KHDRBS2: variants seen among roughly 807,000 people sequenced by gnomAD.
The protein encoded by KHDRBS2 is KH domain-containing, RNA-binding, signal transduction-associated protein 2.
Under a neutral mutation model 44.3 loss-of-function variants are expected in KHDRBS2, and 26 were observed. The ratio of observed to expected loss-of-function variants is 0.59; its 90% confidence interval spans 0.43 to 0.81. KHDRBS2 has a LOEUF of 0.81. KHDRBS2 is among the 40% of genes least tolerant of loss of function. KHDRBS2 has a pLI of 0.00. For missense variants in KHDRBS2, 476 were observed against 433.1 expected (o/e 1.10, Z -0.88); for synonymous variants, 194 against 151.1 (o/e 1.28, Z -2.08).
At chr6:61,692,707 C>T (rs1400980278) in intron 8 of KHDRBS2, among the ~76,000 whole-genome samples, 1 of 152,094 alleles carries the variant, frequency 6.6e-6, no homozygotes, top group African/African-American at 2.4e-5. Flanking sequence ...TATTTCAAAT[C>T]ATTTCTAGAG....
intron 2 of KHDRBS2, among the ~76,000 whole-genome samples, chr6:62,051,266 A>T (rs1788964928): frequency 6.6e-6 from 1 of 152,118 alleles, no homozygotes; most frequent in African/African-American, 2.4e-5. Context: ...ATTTTAATTG[A>T]GAATGTGAAA....
chr6:62,047,967 G>C lies in KHDRBS2; in HGVS notation c.247C>G (p.Pro83Ala). ...AGCCTCTTCAAGGAGTTTCCTCTTG[G>C]TCCAAGCAATTTCCCCACAAAATTG... is the stretch of plus-strand genomic sequence containing the variant. ...KFNFVGKLLGPRGNSLKRLQE... is the reference protein window; with the variant it reads ...KFNFVGKLLGARGNSLKRLQE... The change falls in exon 3 of 9, where the codon CCA becomes GCA. Residue 83 changes from proline to alanine, a missense_variant. Coordinates refer to ENST00000281156, the MANE Select transcript of KHDRBS2 (RefSeq NM_152688.4). 6.2e-7 allele frequency: 1 copy of C among 1,609,200 alleles called. No homozygotes were observed. Among genetic ancestry groups the C allele is most frequent in the Non-Finnish European group, 8.5e-7 (1 of 1,176,104 alleles).
At chr6:61,796,060 T>C (rs1166313118) in intron 6 of KHDRBS2, among the ~76,000 whole-genome samples, 1 of 152,084 alleles carries the variant, frequency 6.6e-6, no homozygotes, top group Admixed American at 6.6e-5. Flanking sequence ...TTGTGTTTCC[T>C]CATTTGTAAA....
At chr6:61,766,847 T>C (rs907889080) in intron 6 of KHDRBS2, among the ~76,000 whole-genome samples, 2 of 152,120 alleles carry the variant, frequency 1.3e-5, no homozygotes, top group African/African-American at 2.4e-5. Context: ...TTAATTTTAT[T>C]TGAAATTTTT....
intron 4 of KHDRBS2, among the ~76,000 whole-genome samples, chr6:61,909,894 G>T (rs1246652540): frequency 6.6e-6 from 1 of 152,192 alleles, no homozygotes; most frequent in Non-Finnish European, 1.5e-5. Flanking sequence ...GGATACAATG[G>T]ACGCTGGTGC....
intron 1 of KHDRBS2, among the ~76,000 whole-genome samples, chr6:62,256,454 TCTCA>T (rs923738809): frequency 1.3e-5 from 2 of 151,934 alleles, no homozygotes; most frequent in Non-Finnish European, 2.9e-5. Flanking sequence ...AGTGAATAAG[TCTCA>T]CTATCTGATG....
chr6:61,622,295 C>T, the KHDRBS2 span, among the ~76,000 whole-genome samples: 4 of 152,160 alleles, frequency 2.6e-5, no homozygotes, highest in Admixed American at 2.6e-4. Context: ...AGGCAACAGA[C>T]ACCCCTTCAG....
intron 2 of KHDRBS2, among the ~76,000 whole-genome samples, chr6:62,173,738 C>G (rs1345608363): frequency 6.6e-6 from 1 of 152,008 alleles, no homozygotes; most frequent in East Asian, 1.9e-4. Context: ...TAGGCTTTAT[C>G]CCTGAGAAGC....
chr6:61,907,144 C>T (rs2127348049), intron 4 of KHDRBS2, among the ~76,000 whole-genome samples: 1 of 152,224 alleles, frequency 6.6e-6, no homozygotes, highest in South Asian at 2.1e-4. Flanking sequence ...TTGCATTTCT[C>T]CGATGATTAA....
intron 1 of KHDRBS2, among the ~76,000 whole-genome samples, chr6:62,269,558 G>A (rs1563164011): frequency 2.0e-5 from 3 of 151,984 alleles, no homozygotes; most frequent in Non-Finnish European, 2.9e-5. Context: ...CCACTGAAGT[G>A]GCTGTTGTTA....
chr6:61,785,012 G>A (rs368536478), intron 6 of KHDRBS2, among the ~76,000 whole-genome samples: 4 of 151,978 alleles, frequency 2.6e-5, no homozygotes, highest in East Asian at 1.9e-4. Context: ...TGCAGGGCAT[G>A]GTGGCGCATG....
At chr6:61,686,936 A>G (rs1766880167) in intron 8 of KHDRBS2, among the ~76,000 whole-genome samples, 1 of 151,578 alleles carries the variant, frequency 6.6e-6, no homozygotes, top group African/African-American at 2.4e-5. Flanking sequence ...TAATTTTGTT[A>G]GCAAGAATGT....
chr6:61,975,648 A>G lies in KHDRBS2; in HGVS notation c.483+2418T>C, dbSNP rs894136251. On this transcript the variant is annotated intron_variant, in intron 4 of 8. Coordinates refer to ENST00000281156, the MANE Select transcript of KHDRBS2 (RefSeq NM_152688.4). ...TCTAGCACAGAAATCAAAGATAAGC[A>G]AGATGCACACACACACACACACACA... is the stretch of plus-strand genomic sequence containing the variant. 1.7e-4 allele frequency among the ~76,000 whole-genome samples: 14 copies of G among 84,158 alleles called. No homozygotes were observed. The Admixed American group carries it at 1.9e-3, about 11-fold the overall frequency. The allele number at this position is 84,158 out of a possible 152,430, so 55.2% of individuals were successfully genotyped here.
chr6:61,980,843 G>A (rs1378301553), intron 3 of KHDRBS2, among the ~76,000 whole-genome samples: 3 of 152,170 alleles, frequency 2.0e-5, no homozygotes, highest in African/African-American at 7.2e-5. Context: ...ACTTAAGCCA[G>A]TTTCAGCCAG....
At chr6:61,733,322 G>A (rs1229931226) in intron 6 of KHDRBS2, among the ~76,000 whole-genome samples, 1 of 152,142 alleles carries the variant, frequency 6.6e-6, no homozygotes, top group Admixed American at 6.6e-5. Flanking sequence ...CGGGCCTGGC[G>A]GCTCATGCCT....
chr6:62,273,584 T>A (rs1281568594), intron 1 of KHDRBS2, among the ~76,000 whole-genome samples: 1 of 152,188 alleles, frequency 6.6e-6, no homozygotes, highest in South Asian at 2.1e-4. Flanking sequence ...AATACTGTTA[T>A]TCCTCAGAGT....
intron 6 of KHDRBS2, chr6:61,816,844 C>A: frequency 2.5e-6 from 1 of 403,538 alleles, no homozygotes; most frequent in Non-Finnish European, 5.0e-6. Context: ...AAAAATATTC[C>A]TCTTAAATCT....
chr6:62,152,484 G>T (rs1204742016), intron 2 of KHDRBS2, among the ~76,000 whole-genome samples: 2 of 152,134 alleles, frequency 1.3e-5, no homozygotes, highest in Non-Finnish European at 2.9e-5. Flanking sequence ...TCTCGTTTTA[G>T]AGAAGGCATT....
intron 1 of KHDRBS2, among the ~76,000 whole-genome samples, chr6:62,237,238 C>T (rs1312000072): frequency 1.3e-5 from 2 of 151,976 alleles, no homozygotes; most frequent in Admixed American, 1.3e-4. Flanking sequence ...CAATCTGTAC[C>T]TAATAAAAAA....
Sources: gnomAD v4.1 joint callset for allele counts (sites outside exome capture counted in the v4.1 genomes callset) on GRCh38, gnomAD v4.1.1 for gene constraint, MANE v1.5 for transcripts, NCBI Gene and HGNC (gene_info 2026-07-23, HGNC 2026-07-21) for gene names.